CCNK: variants seen among roughly 807,000 people sequenced by gnomAD.
CCNK encodes the protein cyclin K, also known as cyclin-K.
CCNK carries 9 observed loss-of-function variants against 65.0 expected under a neutral mutation model. The observed-to-expected ratio is 0.14, with a 90% CI of 0.08 to 0.24. CCNK has a LOEUF of 0.24. Among genes scored for constraint, CCNK ranks in the 10% least tolerant of loss-of-function variants. The pLI, the probability that CCNK is intolerant of heterozygous loss-of-function variation, is 1.00. For synonymous variants in CCNK, 279 were observed against 270.8 expected (o/e 1.03, Z -0.30); for missense variants, 474 against 720.0 (o/e 0.66, Z 3.91).
chr14:99,500,140 A>T (rs983456659), intron 4 of CCNK: 1 of 152,382 alleles, frequency 6.6e-6, no homozygotes, highest in African/African-American at 2.4e-5. Flanking sequence ...TTAGGAGGTG[A>T]TTTAGGTAGC....
At chr14:99,501,480 C>A in intron 6 of CCNK, 67 bp downstream of exon 6, 1 of 1,039,442 alleles carries the variant, frequency 9.6e-7, no homozygotes, top group Non-Finnish European at 1.5e-6. Flanking sequence ...TGGACCATTT[C>A]ATCTAAACCC....
rs777578107 is a variant in CCNK, at chr14:99,492,815, G to A, written c.138G>A (p.Glu46=). ...TTGAAGGACTTGATCCAGCCACCGA[G>A]GCCCGGTACCGCCGAGAGGGCGCTC... ...SQLEGLDPAT[E]ARYRREGARF... is the part of the protein sequence containing the mutation. The change falls in exon 2 of 11, where the codon GAG becomes GAA. Residue 46 remains glutamate (E), a synonymous_variant. Coordinates refer to ENST00000389879, the MANE Select transcript of CCNK (RefSeq NM_001099402.2). 1.9e-6 allele frequency: 3 copies of A among 1,612,082 alleles called. No homozygotes were observed. The highest frequency in any genetic ancestry group is 2.5e-6 in the Non-Finnish European group (3 of 1,179,438).
At chr14:99,493,025 T>A (rs1896627836) in intron 2 of CCNK, 151 bp downstream of exon 2, 1 of 740,696 alleles carries the variant, frequency 1.4e-6, no homozygotes, top group African/African-American at 1.8e-5. Flanking sequence ...GTGGGGGTTT[T>A]TCTCTTTCTG....
intron 1 of CCNK, among the ~76,000 whole-genome samples, chr14:99,484,525 T>C (rs1384894764): frequency 6.6e-6 from 1 of 152,200 alleles, no homozygotes; most frequent in Non-Finnish European, 1.5e-5. Flanking sequence ...AGACAATCAA[T>C]AGATAAGGGA....
intron 2 of CCNK, 60 bp downstream of exon 2, chr14:99,492,934 A>G: frequency 7.5e-7 from 1 of 1,337,786 alleles, no homozygotes; most frequent in Non-Finnish European, 1.0e-6. Context: ...ACCAAGAAAT[A>G]ATTAGATTCT....
intron 1 of CCNK, among the ~76,000 whole-genome samples, chr14:99,489,114 A>G (rs1350454354): frequency 6.6e-6 from 1 of 152,156 alleles, no homozygotes; most frequent in African/African-American, 2.4e-5. Flanking sequence ...TGAAAAGGAC[A>G]GAAATGGGAT....
intron 4 of CCNK, 33 bp from the exon 5 acceptor site, chr14:99,500,733 A>G (rs1259702490): frequency 5.2e-6 from 7 of 1,345,984 alleles, no homozygotes; most frequent in East Asian, 5.0e-5. Context: ...TGCAATTGTA[A>G]TTACTGTCCT....
intron 1 of CCNK, among the ~76,000 whole-genome samples, chr14:99,485,265 C>G (rs1181658255): frequency 6.6e-6 from 1 of 152,168 alleles, no homozygotes. Flanking sequence ...CGCTTGTGGA[C>G]CGAGGTTCTT....
At chr14:99,493,236 C>T (rs1413214149) in intron 2 of CCNK, 2 of 458,200 alleles carry the variant, frequency 4.4e-6, no homozygotes, top group East Asian at 3.8e-5. Context: ...CAAGATCACA[C>T]CACTGCACTC....
Position 99,510,265 on chromosome 14 carries a change from C to CCCTT in CCNK, c.1226_1227insCCTT (p.Val410LeufsTer175). 6.4e-7 allele frequency: 1 copy of CCCTT among 1,560,678 alleles called. No individual in the cohort carries two copies. Among genetic ancestry groups the CCCTT allele is most frequent in the Non-Finnish European group, 8.6e-7 (1 of 1,156,694 alleles). ...ATTCCCCCTCCGGCCCACCCGGCCC[C>CCCTT]TGTGCACCAGCCACCGCCGCTGCCA... is the stretch of plus-strand genomic sequence containing the variant. On this transcript the variant is annotated frameshift_variant, in exon 11 of 11. Coordinates refer to ENST00000389879, the MANE Select transcript of CCNK (RefSeq NM_001099402.2). LOFTEE classifies it high-confidence loss of function.
At chr14:99,490,960 T>C (rs1290111351) in intron 1 of CCNK, among the ~76,000 whole-genome samples, 1 of 152,248 alleles carries the variant, frequency 6.6e-6, no homozygotes, top group Admixed American at 6.5e-5. Context: ...TGTCTGTTTT[T>C]TCCCCTCCTT....
intron 10 of CCNK, chr14:99,509,553 A>G (rs1445805719): frequency 6.4e-6 from 1 of 155,970 alleles, no homozygotes; most frequent in East Asian, 1.9e-4. Context: ...CAGCACGCAC[A>G]CGCACACACA....
At chr14:99,489,903 G>C (rs897741509) in intron 1 of CCNK, among the ~76,000 whole-genome samples, 1 of 152,100 alleles carries the variant, frequency 6.6e-6, no homozygotes, top group Admixed American at 6.6e-5. Flanking sequence ...ATAAACAAAT[G>C]GGAGAGAAGA....
chr14:99,483,492 G>T (rs1428859591), intron 1 of CCNK, among the ~76,000 whole-genome samples: 1 of 152,248 alleles, frequency 6.6e-6, no homozygotes, highest in African/African-American at 2.4e-5. Context: ...CAAGGCTGCA[G>T]TGAGCCGTGA....
At position 99,511,319 on chromosome 14, in the gene CCNK, A is replaced by G. The variant is rs948924349; in HGVS notation, c.*537A>G. On this transcript the variant is annotated 3_prime_UTR_variant, in exon 11 of 11. Coordinates refer to ENST00000389879, the MANE Select transcript of CCNK (RefSeq NM_001099402.2). ...TATTTTGAAGGGGTTGCCTCATTGG[A>G]TGGCTTTTTTTTTTTCCTCCAGGGA... 1.3e-5 allele frequency: 2 copies of G among 151,368 alleles called. No homozygotes were observed. Among genetic ancestry groups the G allele is most frequent in the Non-Finnish European group, 2.9e-5 (2 of 67,942 alleles). 9.4% of individuals were successfully genotyped at this position (151,368 alleles called of 1,614,324 possible).
In CCNK at chr14:99,492,702, A is replaced by G. The variant is rs1340506299; in HGVS notation, c.25A>G (p.Ser9Gly). MKENKENS[S>G]PSVTSANLDH... ...AATGAAGGAGAATAAAGAAAATTCAAGCCCTTCAGTAACTTCAGCAAACCT... is the reference window on the plus strand; with the variant it reads ...AATGAAGGAGAATAAAGAAAATTCAGGCCCTTCAGTAACTTCAGCAAACCT... Residue 9 changes from serine (S) to glycine (G), a missense_variant, in exon 2 of 11, where the codon AGC becomes GGC. Transcript: ENST00000389879. The G allele has an allele frequency of 4.4e-6, 7 of 1,608,098 alleles. No individual in the cohort carries two copies. The highest frequency in any genetic ancestry group is 5.9e-6 in the Non-Finnish European group (7 of 1,178,422).
rs750114429 is a variant in CCNK at position 99,507,537 on chromosome 14, G to A, written c.1117+390G>A. 38 of 187,002 alleles carry A rather than the reference G, an allele frequency of 2.0e-4. No individual in the cohort carries two copies. In the Middle Eastern group the frequency reaches 9.8e-3, roughly 48 times the overall value. The allele number at this position is 187,002 out of a possible 1,614,324, so 11.6% of individuals were successfully genotyped here. A position where few individuals can be genotyped will look rare whatever the true frequency, so the allele number is the denominator to read the frequency against. ...GCTATGATTGCACCACCGTACTCCA[G>A]CCTGGGTGAGAGGGAGACCGTGTCT... On this transcript the variant is annotated intron_variant, in intron 10 of 10. Transcript: ENST00000389879.
At chr14:99,485,673 CTCTT>C (rs1436473796) in intron 1 of CCNK, among the ~76,000 whole-genome samples, 16 of 152,294 alleles carry the variant, frequency 1.1e-4, no homozygotes, top group Non-Finnish European at 2.1e-4. Flanking sequence ...CCCTGTTACT[CTCTT>C]TGAGAACAGA....
In CCNK at chr14:99,510,142, G is replaced by GTC; in HGVS notation, c.1118-8_1118-7dup. ...GCTGGCGGAGGCCGGGCACTGATGC[G>GTC]TCTCTCTCCTGCAGACCGGAAGCCT... On this transcript the variant is annotated splice_polypyrimidine_tract_variant and intron_variant, in intron 10 of 10. Coordinates refer to ENST00000389879, the MANE Select transcript of CCNK (RefSeq NM_001099402.2). The GTC allele has an allele frequency of 6.3e-7, 1 of 1,589,034 alleles. No homozygotes were observed. Among genetic ancestry groups the GTC allele is most frequent in the Non-Finnish European group, 8.5e-7 (1 of 1,172,030 alleles).
Sources: gnomAD v4.1 joint callset for allele counts (sites outside exome capture counted in the v4.1 genomes callset) on GRCh38, gnomAD v4.1.1 for gene constraint, MANE v1.5 for transcripts, NCBI Gene and HGNC (gene_info 2026-07-23, HGNC 2026-07-21) for gene names.